CAMK1D: variants seen among roughly 807,000 people sequenced by gnomAD.
CAMK1D encodes the protein calcium/calmodulin dependent protein kinase ID, also known as calcium/calmodulin-dependent protein kinase type 1D.
Under a neutral mutation model 47.7 loss-of-function variants are expected in CAMK1D, and 9 were observed. That is an observed-to-expected ratio of 0.19 (90% CI 0.11 to 0.33). The LOEUF is 0.33. Among genes scored for constraint, CAMK1D ranks in the 10% least tolerant of loss-of-function variants. The pLI, the probability that CAMK1D is intolerant of heterozygous loss-of-function variation, is 1.00. For missense variants in CAMK1D, 291 were observed against 488.7 expected, an observed-to-expected ratio of 0.60 and a Z score of 3.81; for synonymous variants, 184 against 184.9, an observed-to-expected ratio of 0.99 and a Z score of 0.04.
chr10:12,376,498 C>T (rs768687201), intron 1 of CAMK1D, among the ~76,000 whole-genome samples: 1 of 152,130 alleles, frequency 6.6e-6, no homozygotes, highest in Non-Finnish European at 1.5e-5. Context: ...GGCCAGTGGT[C>T]CAGGGAGTGC....
At chr10:12,565,529 CA>C in intron 2 of CAMK1D, among the ~76,000 whole-genome samples, 1 of 152,222 alleles carries the variant, frequency 6.6e-6, no homozygotes, top group Admixed American at 6.5e-5. Context: ...GCTGGAATTA[CA>C]GGCGTGAGCT....
At chr10:12,350,704 G>C (rs1334841436) in intron 1 of CAMK1D, among the ~76,000 whole-genome samples, 1 of 152,266 alleles carries the variant, frequency 6.6e-6, no homozygotes, top group Non-Finnish European at 1.5e-5. Context: ...CTGCCCAGGA[G>C]TTGGGTCTTG....
intron 1 of CAMK1D, among the ~76,000 whole-genome samples, chr10:12,450,162 AG>A (rs1476125127): frequency 6.6e-6 from 1 of 152,060 alleles, no homozygotes; most frequent in Non-Finnish European, 1.5e-5. Context: ...GGAAGGAAAA[AG>A]GGAAAGAAGG....
At chr10:12,756,784 C>T (rs546535633) in intron 3 of CAMK1D, among the ~76,000 whole-genome samples, 78 of 152,212 alleles carry the variant, frequency 5.1e-4, no homozygotes, top group Admixed American at 3.6e-3. Context: ...AAAAATTAGC[C>T]GGGCGTGGTG....
intron 4 of CAMK1D, among the ~76,000 whole-genome samples, chr10:12,766,564 G>T (rs1301261154): frequency 2.6e-5 from 4 of 151,884 alleles, no homozygotes; most frequent in African/African-American, 9.7e-5. Flanking sequence ...TTTGCAGCTT[G>T]ATTTTTCAGG....
intron 3 of CAMK1D, among the ~76,000 whole-genome samples, chr10:12,755,302 T>A (rs1418721560): frequency 6.6e-6 from 1 of 152,026 alleles, no homozygotes; most frequent in African/African-American, 2.4e-5. Flanking sequence ...TAGGCACCAG[T>A]GTGGGATGAT....
intron 3 of CAMK1D, among the ~76,000 whole-genome samples, chr10:12,671,239 T>A (rs2132569278): frequency 6.6e-6 from 1 of 152,338 alleles, no homozygotes; most frequent in Non-Finnish European, 1.5e-5. Flanking sequence ...TTTTGGCTAA[T>A]ATGAATAATG....
intron 3 of CAMK1D, among the ~76,000 whole-genome samples, chr10:12,672,006 C>T (rs2132572535): frequency 6.6e-6 from 1 of 150,400 alleles, no homozygotes; most frequent in Non-Finnish European, 1.5e-5. Flanking sequence ...AGCTGTGCCT[C>T]TCCGGTTCAT....
At chr10:12,501,423 C>G (rs1225655948) in intron 1 of CAMK1D, among the ~76,000 whole-genome samples, 1 of 152,180 alleles carries the variant, frequency 6.6e-6, no homozygotes, top group Non-Finnish European at 1.5e-5. Flanking sequence ...GGCGTGAGTG[C>G]GTGTGCTCAG....
intron 1 of CAMK1D, among the ~76,000 whole-genome samples, chr10:12,432,581 AAATG>A (rs1418413666): frequency 6.6e-6 from 1 of 152,254 alleles, no homozygotes; most frequent in Non-Finnish European, 1.5e-5. Context: ...GCAAATGAAC[AAATG>A]AATGAGTTGA....
chr10:12,825,046 C>G (rs767811827), intron 9 of CAMK1D, among the ~76,000 whole-genome samples: 4 of 152,170 alleles, frequency 2.6e-5, no homozygotes, highest in Non-Finnish European at 5.9e-5. Context: ...GCTATTTTGC[C>G]ATGAGGGCCA....
At chr10:12,678,686 G>A (rs1840891583) in intron 3 of CAMK1D, among the ~76,000 whole-genome samples, 2 of 152,124 alleles carry the variant, frequency 1.3e-5, no homozygotes, top group African/African-American at 2.4e-5. Flanking sequence ...TATTTGTTAC[G>A]TCTACTTGGT....
intron 2 of CAMK1D, among the ~76,000 whole-genome samples, chr10:12,645,418 A>C (rs1376081302): frequency 6.6e-6 from 1 of 152,218 alleles, no homozygotes; most frequent in Non-Finnish European, 1.5e-5. Flanking sequence ...AAATCGGCTT[A>C]AGTGACATGT....
At position 12,831,180 on chromosome 10, in the gene CAMK1D, A is replaced by G. The variant is rs190539488; in HGVS notation, c.*2293A>G. 6.6e-6 allele frequency: 1 copy of G among 152,230 alleles called. No homozygotes were observed. The highest frequency in any genetic ancestry group is 1.5e-5 in the Non-Finnish European group (1 of 68,040). The allele number at this position is 152,230 out of a possible 1,614,324, so 9.4% of individuals were successfully genotyped here. On this transcript the variant is annotated 3_prime_UTR_variant, in exon 11 of 11. Transcript: ENST00000619168. ...TCTGCAAAATCTAAAAACCCTGGAAAGGTCTATAAGATGACATTAGACCCA... is the reference window on the plus strand; with the variant it reads ...TCTGCAAAATCTAAAAACCCTGGAAGGGTCTATAAGATGACATTAGACCCA...
intron 3 of CAMK1D, among the ~76,000 whole-genome samples, chr10:12,687,823 A>G (rs1832722180): frequency 6.6e-6 from 1 of 152,198 alleles, no homozygotes; most frequent in African/African-American, 2.4e-5. Flanking sequence ...GATGAGCTCT[A>G]AGGCTGTAAT....
At chr10:12,828,737 A>G in intron 10 of CAMK1D, 32 bp from the exon 11 acceptor site, 1 of 1,582,222 alleles carries the variant, frequency 6.3e-7, no homozygotes, top group Non-Finnish European at 8.7e-7. Flanking sequence ...TACCTCTGAA[A>G]CTCTGAAGCC....
At chr10:12,570,988 T>G (rs1837306854) in intron 2 of CAMK1D, among the ~76,000 whole-genome samples, 1 of 151,882 alleles carries the variant, frequency 6.6e-6, no homozygotes, top group Non-Finnish European at 1.5e-5. Flanking sequence ...GAGTGGTCAG[T>G]GTTGTAGGTC....
chr10:12,564,173 C>A (rs2132298125), intron 2 of CAMK1D, among the ~76,000 whole-genome samples: 1 of 143,440 alleles, frequency 7.0e-6, no homozygotes, highest in Non-Finnish European at 1.6e-5. Context: ...CTCTCTCTCT[C>A]TCTCTCTCAT....
chr10:12,426,112 C>T (rs949078770), intron 1 of CAMK1D, among the ~76,000 whole-genome samples: 1 of 152,224 alleles, frequency 6.6e-6, no homozygotes, highest in African/African-American at 2.4e-5. Context: ...TGCAACAATT[C>T]CTCTTTCATG....
Sources: gnomAD v4.1 joint callset for allele counts (sites outside exome capture counted in the v4.1 genomes callset) on GRCh38, gnomAD v4.1.1 for gene constraint, MANE v1.5 for transcripts, NCBI Gene and HGNC (gene_info 2026-07-23, HGNC 2026-07-21) for gene names.